The following AFF3 variants were observed in gnomAD, a reference collection of about 807,000 sequenced individuals.
AFF3 encodes ALF transcription elongation factor 3, also known as AF4/FMR2 family member 3.
A neutral mutation model predicts 129.7 loss-of-function variants in AFF3; 32 were observed. That is an observed-to-expected ratio of 0.25 (90% confidence interval 0.19 to 0.33). The LOEUF is 0.33. AFF3 is among the 10% of genes least tolerant of loss of function. The pLI is 1.00. For synonymous variants in AFF3, 644 were observed against 635.4 expected (o/e 1.01, Z -0.20); for missense variants, 1,373 against 1,592.0 (o/e 0.86, Z 2.34).
rs547718784 is a variant in AFF3, at chr2:99,601,351, G to C, written c.1371+84C>G. 9.2e-4 allele frequency: 1,315 copies of C among 1,421,908 alleles called. 11 individuals are homozygous for C. The highest frequency in any genetic ancestry group is 7.2e-3 in the Middle Eastern group (34 of 4,708). 88.1% of individuals were successfully genotyped at this position (1,421,908 alleles called of 1,614,324 possible). On this transcript the variant is annotated intron_variant, in intron 14 of 24. Transcript: ENST00000672756. ...TGCAGGAGGGAGGAGACCTGCAGCAGTGTGACAGTGACAATGCCCGGACTT... is the reference window on the plus strand; with the variant it reads ...TGCAGGAGGGAGGAGACCTGCAGCACTGTGACAGTGACAATGCCCGGACTT...
At chr2:99,557,254 A>T (rs1013125576) in intron 22 of AFF3, among the ~76,000 whole-genome samples, 2 of 150,852 alleles carry the variant, frequency 1.3e-5, no homozygotes, top group African/African-American at 4.9e-5. Context: ...TTGAGGAGCA[A>T]CTCTGATTTT....
chr2:100,054,578 C>T (rs1465427659), intron 4 of AFF3, among the ~76,000 whole-genome samples: 2 of 152,216 alleles, frequency 1.3e-5, no homozygotes, highest in African/African-American at 2.4e-5. Flanking sequence ...CTGGAACTCA[C>T]ACCACTGGCT....
intron 13 of AFF3, among the ~76,000 whole-genome samples, chr2:99,604,129 C>T (rs1401418730): frequency 6.6e-6 from 1 of 152,128 alleles, no homozygotes; most frequent in Admixed American, 6.5e-5. Flanking sequence ...TGGGTATATA[C>T]CCAAAGGAAT....
chr2:100,003,841 A>C (rs1008480348), intron 7 of AFF3, among the ~76,000 whole-genome samples: 16 of 152,164 alleles, frequency 1.1e-4, no homozygotes, highest in African/African-American at 3.9e-4. Flanking sequence ...AGGTGAGGGA[A>C]TTTTCCTAGG....
chr2:99,726,499 A>C (rs925712049), intron 11 of AFF3, among the ~76,000 whole-genome samples: 3 of 152,234 alleles, frequency 2.0e-5, no homozygotes, highest in African/African-American at 7.2e-5. Flanking sequence ...TTTGGCATCA[A>C]ATTAATCAGT....
intron 8 of AFF3, among the ~76,000 whole-genome samples, chr2:99,823,799 C>A (rs147903174): frequency 6.6e-6 from 1 of 152,146 alleles, no homozygotes; most frequent in Admixed American, 6.5e-5. Context: ...CTGTCCCTTG[C>A]GGCAACGTGG....
intron 1 of AFF3, among the ~76,000 whole-genome samples, chr2:100,138,818 G>A (rs776482446): frequency 4.0e-5 from 6 of 151,812 alleles, no homozygotes; most frequent in Admixed American, 2.6e-4. Flanking sequence ...GACGGTGGGC[G>A]CCTGTAATCC....
chr2:99,969,023 G>A (rs1376331311), intron 7 of AFF3, among the ~76,000 whole-genome samples: 2 of 152,132 alleles, frequency 1.3e-5, no homozygotes, highest in Non-Finnish European at 1.5e-5. Flanking sequence ...CTCTGGAGTC[G>A]GGCGGAACAA....
chr2:99,612,383 A>G (rs562692617), intron 13 of AFF3, among the ~76,000 whole-genome samples: 38 of 152,336 alleles, frequency 2.5e-4, no homozygotes, highest in African/African-American at 9.1e-4. Context: ...CATTCATTTA[A>G]AAACTGCTAT....
At chr2:99,917,526 T>C (rs1023495162) in intron 7 of AFF3, among the ~76,000 whole-genome samples, 2 of 152,168 alleles carry the variant, frequency 1.3e-5, no homozygotes, top group African/African-American at 4.8e-5. Context: ...TGTCTCCCTC[T>C]AAGAGTTTAG....
chr2:99,778,897 C>CGCGT (rs1405012794), intron 8 of AFF3, among the ~76,000 whole-genome samples: 16 of 43,204 alleles, frequency 3.7e-4, no homozygotes, highest in East Asian at 1.7e-3. Flanking sequence ...TGTGTGTGCG[C>CGCGT]GTGTGTGTGT....
chr2:100,026,436 C>T (rs1684048116), intron 4 of AFF3, among the ~76,000 whole-genome samples: 1 of 152,186 alleles, frequency 6.6e-6, no homozygotes, highest in South Asian at 2.1e-4. Flanking sequence ...GGGAACACTT[C>T]CACACTGCTG....
In AFF3 at chr2:100,083,753, A is replaced by T. The variant is rs1689204540; in HGVS notation, c.53+20649T>A. On this transcript the variant is annotated intron_variant, in intron 4 of 24. Transcript: ENST00000672756. ...CAGAAATGCAGAGACGATGAGAGGG[A>T]TTCCCTGACCTCCAGGTTAAGGATC... Among the ~76,000 whole-genome samples, 3 of 152,066 alleles carry T rather than the reference A, an allele frequency of 2.0e-5. No homozygotes were observed. The South Asian group carries it at 6.2e-4, about 32-fold the overall frequency.
chr2:100,115,643 T>A (rs1691706901), intron 2 of AFF3, among the ~76,000 whole-genome samples: 1 of 152,240 alleles, frequency 6.6e-6, no homozygotes, highest in Non-Finnish European at 1.5e-5. Context: ...TCAGCTCATT[T>A]TTTTCAGATC....
intron 7 of AFF3, among the ~76,000 whole-genome samples, chr2:99,858,842 C>A (rs1035506712): frequency 3.9e-5 from 6 of 152,098 alleles, no homozygotes; most frequent in African/African-American, 9.7e-5. Flanking sequence ...GTACAACAAA[C>A]CCCCATGACA....
At chr2:99,562,385 T>C (rs761715242) in intron 20 of AFF3, among the ~76,000 whole-genome samples, 2 of 152,224 alleles carry the variant, frequency 1.3e-5, no homozygotes, top group Non-Finnish European at 2.9e-5. Flanking sequence ...GGGTAAATTA[T>C]ATTTTTTGTC....
At chr2:99,645,699 G>C (rs1684632153) in intron 13 of AFF3, among the ~76,000 whole-genome samples, 1 of 152,128 alleles carries the variant, frequency 6.6e-6, no homozygotes, top group Non-Finnish European at 1.5e-5. Context: ...AAGGGAAAAG[G>C]TTTTTTGGGG....
intron 7 of AFF3, among the ~76,000 whole-genome samples, chr2:99,869,853 G>A (rs1243566641): frequency 6.6e-6 from 1 of 152,168 alleles, no homozygotes; most frequent in Non-Finnish European, 1.5e-5. Flanking sequence ...CTCTGGGAGC[G>A]ATTTTCATGC....
intron 7 of AFF3, among the ~76,000 whole-genome samples, chr2:99,994,519 A>G (rs1264024491): frequency 6.6e-6 from 1 of 152,224 alleles, no homozygotes; most frequent in East Asian, 1.9e-4. Context: ...AATATAAACA[A>G]TTAGAAATTA....
Sources: allele counts gnomAD v4.1 joint callset (sites outside exome capture counted in the v4.1 genomes callset), GRCh38; gene constraint gnomAD v4.1.1; transcripts MANE v1.5; gene names NCBI Gene and HGNC (gene_info 2026-07-23, HGNC 2026-07-21).